Variants in RBFOX1 observed in about 807,000 individuals in gnomAD.
The protein encoded by RBFOX1 is RNA binding protein fox-1 homolog 1.
In RBFOX1, 8 loss-of-function variants were observed where a neutral mutation model predicts 57.7. That is an observed-to-expected ratio of 0.14 (90% confidence interval 0.08 to 0.25). The LOEUF (loss-of-function observed/expected upper bound fraction) is 0.25, where lower values mean the gene tolerates loss of function less well. Among genes scored for constraint, RBFOX1 ranks in the 10% least tolerant of loss-of-function variants. The pLI is 1.00. For missense variants in RBFOX1, 611 were observed against 548.5 expected (o/e 1.11, Z -1.14); for synonymous variants, 326 against 222.4 (o/e 1.47, Z -4.15).
intron 4 of RBFOX1, among the ~76,000 whole-genome samples, chr16:5,903,487 T>G (rs1274436811): frequency 1.3e-5 from 2 of 152,160 alleles, no homozygotes; most frequent in Non-Finnish European, 2.9e-5. Context: ...TCTCATCTGG[T>G]CCATAAAACA....
chr16:5,475,653 T>C (rs1180710427), intron 2 of RBFOX1, among the ~76,000 whole-genome samples: 2 of 152,226 alleles, frequency 1.3e-5, no homozygotes, highest in Non-Finnish European at 2.9e-5. Flanking sequence ...TCTCACCTAA[T>C]CTTTGTGACA....
chr16:7,271,273 G>A (rs1358547895), intron 4 of RBFOX1, among the ~76,000 whole-genome samples: 1 of 151,788 alleles, frequency 6.6e-6, no homozygotes. Context: ...CTTTTTGTAT[G>A]TGAGAACATT....
rs116011946 is a variant in RBFOX1, at chr16:6,895,080, C to T, written c.-15-156977C>T. Among the ~76,000 whole-genome samples, 233 of 152,180 alleles carry T rather than the reference C, an allele frequency of 1.5e-3. 1 individual carries two copies. Among genetic ancestry groups the T allele is most frequent in the African/African-American group, 5.3e-3 (218 of 41,510 alleles). ...GATAAATACATCTTTAATAAATAAT[C>T]TAATGACTTAAAGAAATAAAGTCTG... On this transcript the variant is annotated intron_variant, in intron 3 of 15. Transcript: ENST00000550418.
intron 3 of RBFOX1, among the ~76,000 whole-genome samples, chr16:7,048,986 C>T (rs184702957): frequency 6.6e-6 from 1 of 152,270 alleles, no homozygotes. Flanking sequence ...AAGTCTGGGA[C>T]ATGGGCAGTA....
chr16:7,054,472 A>T (rs1254071222), intron 4 of RBFOX1, among the ~76,000 whole-genome samples: 1 of 142,338 alleles, frequency 7.0e-6, no homozygotes, highest in Non-Finnish European at 1.5e-5. Context: ...CGATCTCCTG[A>T]CCTCGTGATC....
In RBFOX1 at chr16:7,630,679, T is replaced by C. The variant is rs372725346; in HGVS notation, c.753T>C (p.Ser251=). The C allele has an allele frequency of 7.4e-5, 120 of 1,614,104 alleles. No homozygotes were observed. Among genetic ancestry groups the C allele is most frequent in the East Asian group, 5.8e-4 (26 of 44,882 alleles). The change falls in exon 11 of 16, where the codon TCT becomes TCC. Residue 251 remains serine (S), a synonymous_variant. Coordinates refer to ENST00000550418, the MANE Select transcript of RBFOX1 (RefSeq NM_018723.4). ...CCCCCAGTTCACTTGTATATACTTC[T>C]GCAAGTAAGCCCACTGTCGTGGCTC... ...YSAPSSLVYT[S]AMPGFPYPAA... is the part of the protein sequence containing the mutation.
At chr16:5,481,694 C>T (rs1188406883) in intron 2 of RBFOX1, among the ~76,000 whole-genome samples, 2 of 152,196 alleles carry the variant, frequency 1.3e-5, no homozygotes, top group African/African-American at 4.8e-5. Flanking sequence ...CCCAAAGTAC[C>T]ACAGCCCGTG....
chr16:5,890,697 GAAAAAAAAAAAA>G lies in RBFOX1; in HGVS notation c.351+23375_351+23386del, dbSNP rs71404558. On this transcript the variant is annotated intron_variant, in intron 4 of 19. Transcript: ENST00000641259. ...GGGTGACAGACAGAGAGTCTGTATT[GAAAAAAAAAAAA>G]AAAAAAAAAAAAGTGAAGGTGCTGG... Among the ~76,000 whole-genome samples, 6 of 61,468 alleles carry G rather than the reference GAAAAAAAAAAAA, an allele frequency of 9.8e-5. No individual in the cohort carries two copies. In the South Asian group the frequency reaches 5.0e-3, roughly 51 times the overall value. 40.3% of individuals were successfully genotyped at this position (61,468 alleles called of 152,430 possible).
chr16:5,492,450 G>A (rs1408145244), intron 2 of RBFOX1, among the ~76,000 whole-genome samples: 1 of 152,198 alleles, frequency 6.6e-6, no homozygotes, highest in Non-Finnish European at 1.5e-5. Flanking sequence ...AAACCGCGAT[G>A]AGTGCAATAA....
intron 3 of RBFOX1, among the ~76,000 whole-genome samples, chr16:6,816,279 C>T (rs189482879): frequency 6.6e-6 from 1 of 152,298 alleles, no homozygotes; most frequent in East Asian, 1.9e-4. Flanking sequence ...ATTGCACTCG[C>T]ACTTGAGCCA....
chr16:6,843,598 A>AT (rs1326707484), intron 3 of RBFOX1, among the ~76,000 whole-genome samples: 42 of 152,194 alleles, frequency 2.8e-4, no homozygotes, highest in Non-Finnish European at 2.4e-4. Flanking sequence ...TTGAGGCAGG[A>AT]GAATGGCATG....
At chr16:6,959,579 C>T (rs1161576735) in intron 3 of RBFOX1, among the ~76,000 whole-genome samples, 1 of 152,108 alleles carries the variant, frequency 6.6e-6, no homozygotes, top group Admixed American at 6.6e-5. Context: ...AGGTCTCCCT[C>T]AAGGCTGAAC....
chr16:7,212,998 T>G (rs1219675641), intron 4 of RBFOX1, among the ~76,000 whole-genome samples: 1 of 152,216 alleles, frequency 6.6e-6, no homozygotes, highest in African/African-American at 2.4e-5. Flanking sequence ...TCCAGTCATC[T>G]TGTAAGGCAA....
At chr16:6,564,302 C>T (rs1272062190) in intron 2 of RBFOX1, among the ~76,000 whole-genome samples, 8 of 152,052 alleles carry the variant, frequency 5.3e-5, no homozygotes, top group Non-Finnish European at 1.5e-5. Context: ...GCAGTATTGG[C>T]TGGGCTGCAG....
intron 2 of RBFOX1, among the ~76,000 whole-genome samples, chr16:6,537,524 C>G (rs571579092): frequency 6.6e-6 from 1 of 152,224 alleles, no homozygotes; most frequent in South Asian, 2.1e-4. Context: ...GTGATGTGAT[C>G]GAGTTGCTGA....
At chr16:6,810,004 GA>G (rs2088031456) in intron 3 of RBFOX1, among the ~76,000 whole-genome samples, 1 of 147,994 alleles carries the variant, frequency 6.8e-6, no homozygotes, top group Admixed American at 6.8e-5. Flanking sequence ...GTGTCTCTCT[GA>G]AAAAATTCTC....
At chr16:6,841,516 C>G (rs2093461228) in intron 3 of RBFOX1, among the ~76,000 whole-genome samples, 1 of 152,138 alleles carries the variant, frequency 6.6e-6, no homozygotes, top group Non-Finnish European at 1.5e-5. Flanking sequence ...GGATGATTTT[C>G]TGAACAACCT....
At chr16:5,772,143 G>A (rs1567520895) in intron 3 of RBFOX1, among the ~76,000 whole-genome samples, 1 of 152,182 alleles carries the variant, frequency 6.6e-6, no homozygotes, top group Non-Finnish European at 1.5e-5. Context: ...GCACACTCCA[G>A]CCTGGGTGAC....
chr16:6,213,284 T>C (rs2097310463), intron 1 of RBFOX1, among the ~76,000 whole-genome samples: 1 of 152,238 alleles, frequency 6.6e-6, no homozygotes, highest in African/African-American at 2.4e-5. Context: ...TGTCATAGGC[T>C]GTCATGCTTC....
Sources: allele counts gnomAD v4.1 joint callset (sites outside exome capture counted in the v4.1 genomes callset), GRCh38; gene constraint gnomAD v4.1.1; transcripts MANE v1.5; gene names NCBI Gene and HGNC (gene_info 2026-07-23, HGNC 2026-07-21).